Variants in FSIP2 observed in about 807,000 individuals in gnomAD.
FSIP2 encodes fibrous sheath-interacting protein 2.
In FSIP2, 367 loss-of-function variants were observed where a neutral mutation model predicts 510.5. The observed-to-expected ratio is 0.72, with a 90% confidence interval of 0.66 to 0.78. FSIP2 has a LOEUF of 0.78. Ranked by LOEUF, FSIP2 falls within the 30% of genes least tolerant of loss-of-function variation. FSIP2 has a pLI of 0.00. For synonymous variants in FSIP2, 2,601 were observed against 2,732.2 expected, an observed-to-expected ratio of 0.95 and a Z score of 1.50; for missense variants, 7,594 against 7,901.7, an observed-to-expected ratio of 0.96 and a Z score of 1.48.
At chr2:185,738,780 G>A (rs1453084430), upstream of FSIP2, 5 of 1,535,910 alleles carry the variant, frequency 3.3e-6, no homozygotes, top group Non-Finnish European at 3.5e-6. Context: ...CGGGGGGCGG[G>A]GCTGAGGTCG....
At chr2:185,754,913 T>C (rs1429235290) in intron 8 of FSIP2, among the ~76,000 whole-genome samples, 1 of 151,436 alleles carries the variant, frequency 6.6e-6, no homozygotes, top group East Asian at 1.9e-4. Flanking sequence ...CTATAAAGAG[T>C]GTAAAAATTC....
At chr2:185,770,546 A>T (rs1692587342) in intron 13 of FSIP2, among the ~76,000 whole-genome samples, 1 of 152,162 alleles carries the variant, frequency 6.6e-6, no homozygotes, top group East Asian at 1.9e-4. Flanking sequence ...GTTTACCATG[A>T]AGTGGGCACA....
At chr2:185,739,027 TGGCGGCCGCAGGCCTGCTGG>T in intron 1 of FSIP2, 34 bp downstream of exon 1, 1 of 1,521,316 alleles carries the variant, frequency 6.6e-7, no homozygotes, top group Non-Finnish European at 8.8e-7. Context: ...CGTCGCCCTC[TGGCGGCCGCAGGCCTGCTGG>T]GGAGCGGGGC....
In FSIP2 at chr2:185,833,195, C is replaced by T; in HGVS notation, c.20693C>T (p.Ser6898Phe). The T allele has an allele frequency of 6.2e-7, 1 of 1,611,002 alleles. No individual in the cohort carries two copies. Among genetic ancestry groups the T allele is most frequent in the South Asian group, 1.1e-5 (1 of 90,824 alleles). ...FSQCNTNISR[S>F]SSPAHQDEH ...CAATGTAACACCAATATTTCCAGATCTTCCTCACCAGCTCACCAGGATGAA... is the reference window on the plus strand; with the variant it reads ...CAATGTAACACCAATATTTCCAGATTTTCCTCACCAGCTCACCAGGATGAA... The change falls in exon 23 of 23, where the codon TCT becomes TTT. Residue 6898 changes from serine (S) to phenylalanine (F), a missense_variant. By Grantham distance (155) the Ser-to-Phe change is radical (BLOSUM62 -2). Coordinates refer to ENST00000424728, the MANE Select transcript of FSIP2 (RefSeq NM_173651.4).
chr2:185,797,645 T>C lies in FSIP2; in HGVS notation c.10390+119T>C, dbSNP rs1021828916. On this transcript the variant is annotated intron_variant, in intron 16 of 22. Coordinates refer to ENST00000424728, the MANE Select transcript of FSIP2 (RefSeq NM_173651.4). Reference sequence around the variant, plus strand: ...ATTCACTATTTTTCTGAAAATACCCTTGGAGGTAGATGACTACTGAGTTGC... The same window carrying C: ...ATTCACTATTTTTCTGAAAATACCCCTGGAGGTAGATGACTACTGAGTTGC... The C allele has an allele frequency of 4.0e-6, 4 of 1,005,820 alleles. No individual in the cohort carries two copies. The African/African-American group carries it at 6.5e-5, about 16-fold the overall frequency. 62.3% of individuals were successfully genotyped at this position (1,005,820 alleles called of 1,614,324 possible).
Position 185,813,695 on chromosome 2 carries a change from G to A in FSIP2, c.19978G>A (p.Glu6660Lys). The A allele has an allele frequency of 3.1e-6, 5 of 1,610,096 alleles. No individual in the cohort carries two copies. The highest frequency in any genetic ancestry group is 4.2e-6 in the Non-Finnish European group (5 of 1,178,006). ...GTATTTGGAAAATTACATAAAAGAG[G>A]AACGAGATTCTGATGAAGATGAAGT... Reference protein sequence around the residue: ...QVYLENYIKEERDSDEDEVVL... With the variant: ...QVYLENYIKEKRDSDEDEVVL... The change falls in exon 18 of 23, where the codon GAA (glutamate) becomes AAA (lysine). Residue 6660 changes from glutamate to lysine, a missense_variant. By Grantham distance (56) the Glu-to-Lys change is moderately conservative. Transcript: ENST00000424728.
At chr2:185,744,439 T>G in intron 4 of FSIP2, 28 bp downstream of exon 4, 1 of 589,040 alleles carries the variant, frequency 1.7e-6, no homozygotes, top group Non-Finnish European at 2.6e-6. Context: ...ATTTGGTTTA[T>G]TTACATAGAG....
Position 185,791,152 on chromosome 2 carries a change from A to C in FSIP2, c.4016A>C (p.Lys1339Thr), listed in dbSNP as rs776878332. The change falls in exon 16 of 23, where the codon AAA becomes ACA. Residue 1339 changes from lysine to threonine, a missense_variant. Physicochemically the swap from Lys to Thr is moderately conservative, Grantham distance 78 (BLOSUM62 -1). Transcript: ENST00000424728. ...AAAGGATTTTTTGCTAATACTGATAAAAAATTAGAATCTCTTGTCACGAGT... is the reference window on the plus strand; with the variant it reads ...AAAGGATTTTTTGCTAATACTGATACAAAATTAGAATCTCTTGTCACGAGT... ...TDKGFFANTD[K>T]KLESLVTSID... is the part of the protein sequence containing the mutation. 2 of 1,533,636 alleles carry C rather than the reference A, an allele frequency of 1.3e-6. No homozygotes were observed. The highest frequency in any genetic ancestry group is 1.7e-6 in the Non-Finnish European group (2 of 1,145,242).
At position 185,831,883 on chromosome 2, in the gene FSIP2, G is replaced by A. The variant is rs369268759; in HGVS notation, c.20587+1G>A. The A allele has an allele frequency of 6.4e-7, 1 of 1,557,206 alleles. No individual in the cohort carries two copies. The highest frequency in any genetic ancestry group is 8.9e-7 in the Non-Finnish European group (1 of 1,129,318). On this transcript the variant is annotated splice_donor_variant, in intron 22 of 22. Transcript: ENST00000424728. LOFTEE classifies it high-confidence loss of function. ...AATCCCTCAAAGGAAGTCATTTCAGGTACAAAATGTACTATTTTAACAACT... is the reference window on the plus strand; with the variant it reads ...AATCCCTCAAAGGAAGTCATTTCAGATACAAAATGTACTATTTTAACAACT...
intron 19 of FSIP2, among the ~76,000 whole-genome samples, chr2:185,820,663 G>A (rs1346192348): frequency 6.6e-6 from 1 of 151,380 alleles, no homozygotes; most frequent in Non-Finnish European, 1.5e-5. Flanking sequence ...GATAAAACTA[G>A]AAATCAATAG....
At position 185,784,364 on chromosome 2, in the gene FSIP2, T is replaced by C. The variant is rs149746522; in HGVS notation, c.1469+1602T>C. ...TGGTTAAAACTTGTAGTTTATTTATTGGGTAATAGTCTGATGGTTTTTAGT... is the reference window on the plus strand; with the variant it reads ...TGGTTAAAACTTGTAGTTTATTTATCGGGTAATAGTCTGATGGTTTTTAGT... On this transcript the variant is annotated intron_variant, in intron 14 of 22. Transcript: ENST00000424728. 1.3e-3 allele frequency among the ~76,000 whole-genome samples: 196 copies of C among 152,232 alleles called. 1 individual carries two copies. The highest frequency in any genetic ancestry group is 4.6e-3 in the African/African-American group (191 of 41,570).
At chr2:185,816,942 AAG>A (rs1217148427) in intron 19 of FSIP2, among the ~76,000 whole-genome samples, 4 of 146,542 alleles carry the variant, frequency 2.7e-5, no homozygotes, top group African/African-American at 5.1e-5. Flanking sequence ...AAAGAGAGAG[AAG>A]AGAGAGAAAC....
In FSIP2 at chr2:185,746,210, A is replaced by G. The variant is rs191685252; in HGVS notation, c.618-459A>G. On this transcript the variant is annotated intron_variant, in intron 5 of 22. Transcript: ENST00000424728. ...TTGATGTACCAGAGATCCAGACTACAGATGAGAGATTTGTTCAAGGACTTG... is the reference window on the plus strand; with the variant it reads ...TTGATGTACCAGAGATCCAGACTACGGATGAGAGATTTGTTCAAGGACTTG... Among the ~76,000 whole-genome samples, 15 of 152,220 alleles carry G rather than the reference A, an allele frequency of 9.9e-5. No homozygotes were observed. The East Asian group carries it at 2.9e-3, about 29-fold the overall frequency.
In FSIP2 at chr2:185,804,098, C is replaced by T. The variant is rs1284330324; in HGVS notation, c.14792C>T (p.Ala4931Val). Residue 4931 changes from alanine (A) to valine (V), a missense_variant, in exon 17 of 23, where the codon GCA (alanine) becomes GTA (valine). Ala to Val is a moderately conservative substitution (Grantham distance 64). Transcript: ENST00000424728. Reference sequence around the variant, plus strand: ...GTTGATCAAACTTATAAATTGAAAGCAATAGATCCTAAACAAAGAGAATTA... The same window carrying T: ...GTTGATCAAACTTATAAATTGAAAGTAATAGATCCTAAACAAAGAGAATTA... Reference protein sequence around the residue: ...AAVDQTYKLKAIDPKQRELSF... With the variant: ...AAVDQTYKLKVIDPKQRELSF... The T allele has an allele frequency of 5.2e-6, 8 of 1,527,246 alleles. No individual in the cohort carries two copies. The highest frequency in any genetic ancestry group is 6.1e-6 in the Non-Finnish European group (7 of 1,142,426). 94.6% of individuals were successfully genotyped at this position (1,527,246 alleles called of 1,614,324 possible). A position where few individuals can be genotyped will look rare whatever the true frequency, so the allele number is the denominator to read the frequency against.
chr2:185,789,775 C>A lies in FSIP2; in HGVS notation c.2639C>A (p.Ala880Asp), dbSNP rs1470539694. ...AAATCTAGTCTTGAATCTGATGAAG[C>A]TAGTTTAATTGTCAATGAAGAAGTA... ...KNKSSLESDE[A>D]SLIVNEEVQN... The change falls in exon 16 of 23, where the codon GCT becomes GAT. Residue 880 changes from alanine to aspartate, a missense_variant. Ala to Asp is a moderately radical substitution (Grantham distance 126). Coordinates refer to ENST00000424728, the MANE Select transcript of FSIP2 (RefSeq NM_173651.4). 6 of 1,534,128 alleles carry A rather than the reference C, an allele frequency of 3.9e-6. No individual in the cohort carries two copies. The highest frequency in any genetic ancestry group is 1.7e-4 in the Middle Eastern group (1 of 5,998).
Position 185,796,280 on chromosome 2 carries a change from GT to G in FSIP2, c.9148del (p.Ser3050LeufsTer43). 1 of 1,533,118 alleles carries G rather than the reference GT, an allele frequency of 6.5e-7. No individual in the cohort carries two copies. The highest frequency in any genetic ancestry group is 1.2e-5 in the South Asian group (1 of 83,550). The allele number at this position is 1,533,118 out of a possible 1,614,324, so 95.0% of individuals were successfully genotyped here. ...TGCCAAAATTACAACCACTGAAAAT[GT>G]TTTCTGATAAATCCGAGTCAAATAC... ...MLPKLQPLKM[F>X]SDKSESNTIN... On this transcript the variant is annotated frameshift_variant, in exon 16 of 23. Transcript: ENST00000424728. LOFTEE classifies it high-confidence loss of function.
At chr2:185,758,399 T>C (rs1488870466) in intron 9 of FSIP2, among the ~76,000 whole-genome samples, 2 of 151,300 alleles carry the variant, frequency 1.3e-5, no homozygotes, top group Non-Finnish European at 3.0e-5. Flanking sequence ...CAGCCCACCA[T>C]TGACCTTACT....
At chr2:185,776,997 T>C (rs1464581952) in intron 13 of FSIP2, among the ~76,000 whole-genome samples, 1 of 152,164 alleles carries the variant, frequency 6.6e-6, no homozygotes, top group Admixed American at 6.5e-5. Context: ...GTGCTGTGAT[T>C]ACAGGCGTGA....
At chr2:185,777,598 A>G (rs1692754166) in intron 13 of FSIP2, among the ~76,000 whole-genome samples, 1 of 152,046 alleles carries the variant, frequency 6.6e-6, no homozygotes, top group Admixed American at 6.6e-5. Flanking sequence ...AATATGCAAA[A>G]CTTCCTTATT....
Sources: allele counts gnomAD v4.1 joint callset (sites outside exome capture counted in the v4.1 genomes callset), GRCh38; gene constraint gnomAD v4.1.1; transcripts MANE v1.5; gene names NCBI Gene and HGNC (gene_info 2026-07-23, HGNC 2026-07-21).